The following ASXL3 variants were observed in gnomAD, a reference collection of about 807,000 sequenced individuals.
ASXL3 encodes putative Polycomb group protein ASXL3.
ASXL3 carries 34 observed loss-of-function variants against 170.6 expected under a neutral mutation model. The ratio of observed to expected loss-of-function variants is 0.20; its 90% CI spans 0.15 to 0.27. The LOEUF (loss-of-function observed/expected upper bound fraction) is 0.27. ASXL3 is among the 10% of genes least tolerant of loss of function. ASXL3 has a pLI of 1.00. For missense variants in ASXL3, 2,592 were observed against 2,695.3 expected, an observed-to-expected ratio of 0.96 and a Z score of 0.85; for synonymous variants, 1,002 against 989.1, an observed-to-expected ratio of 1.01 and a Z score of -0.24.
At chr18:33,677,553 C>T (rs944377295) in intron 7 of ASXL3, among the ~76,000 whole-genome samples, 1 of 152,160 alleles carries the variant, frequency 6.6e-6, no homozygotes, top group Non-Finnish European at 1.5e-5. Context: ...ACCTTTTTAA[C>T]TACTCATTTC....
At chr18:33,627,990 A>T (rs1003722595) in intron 2 of ASXL3, among the ~76,000 whole-genome samples, 1 of 152,188 alleles carries the variant, frequency 6.6e-6, no homozygotes, top group African/African-American at 2.4e-5. Context: ...ACACAGATGT[A>T]TGTGTCTGTA....
intron 8 of ASXL3, among the ~76,000 whole-genome samples, chr18:33,705,612 G>A (rs1030048233): frequency 4.0e-5 from 6 of 151,548 alleles, no homozygotes; most frequent in African/African-American, 9.7e-5. Flanking sequence ...TTCCCTGTCC[G>A]TTTCTGATAT....
Position 33,670,559 on chromosome 18 carries a change from T to C in ASXL3, c.478-114T>C, listed in dbSNP as rs565412355. 4 of 661,890 alleles carry C rather than the reference T, an allele frequency of 6.0e-6. No homozygotes were observed. In the South Asian group the frequency reaches 8.8e-5, roughly 15 times the overall value. The allele number at this position is 661,890 out of a possible 1,614,324, so 41.0% of individuals were successfully genotyped here. On this transcript the variant is annotated intron_variant, in intron 5 of 11. Coordinates refer to ENST00000269197, the MANE Select transcript of ASXL3 (RefSeq NM_030632.3). ...CTGAGAAATTAGGGGCTCTGTGGAA[T>C]TTAAGTCTCTTAAGAGGTTCTATGT...
intron 7 of ASXL3, among the ~76,000 whole-genome samples, chr18:33,675,040 G>C (rs2066403608): frequency 6.6e-6 from 1 of 152,138 alleles, no homozygotes; most frequent in South Asian, 2.1e-4. Context: ...TAACTCCTTG[G>C]AACAGTGGCC....
intron 1 of ASXL3, among the ~76,000 whole-genome samples, chr18:33,606,725 T>A (rs1237410325): frequency 6.6e-6 from 1 of 151,946 alleles, no homozygotes; most frequent in Non-Finnish European, 1.5e-5. Flanking sequence ...TTGGAGTAGG[T>A]CATTGTGGAG....
chr18:33,716,088 C>A (rs1205008423), intron 8 of ASXL3, among the ~76,000 whole-genome samples: 1 of 152,168 alleles, frequency 6.6e-6, no homozygotes, highest in Non-Finnish European at 1.5e-5. Flanking sequence ...TTATTCTGGC[C>A]TTTAATGGTA....
intron 2 of ASXL3, among the ~76,000 whole-genome samples, chr18:33,612,968 A>G (rs1421101433): frequency 6.6e-6 from 1 of 152,098 alleles, no homozygotes; most frequent in Non-Finnish European, 1.5e-5. Flanking sequence ...TTAACATCTA[A>G]TTCTCTCATT....
In ASXL3 at chr18:33,744,445, A is replaced by G. The variant is rs752365017; in HGVS notation, c.4597A>G (p.Ile1533Val). ...SRPEPVANEG[I>V]DHSSTFIAAS... ...GCCTGAGCCAGTTGCCAACGAAGGT[A>G]TAGATCACAGTTCCACTTTCATTGC... is the stretch of plus-strand genomic sequence containing the variant. Residue 1533 changes from isoleucine (I) to valine (V), a missense_variant, in exon 12 of 12, where the codon ATA (isoleucine) becomes GTA (valine). Around this residue, in one of 4 missense-constraint regions of ASXL3, gnomAD observed 2,246 missense variants for 2,219.6 expected, o/e 1.01. Coordinates refer to ENST00000269197, the MANE Select transcript of ASXL3 (RefSeq NM_030632.3). 9 of 1,613,764 alleles carry G rather than the reference A, an allele frequency of 5.6e-6. No individual in the cohort carries two copies. Among genetic ancestry groups the G allele is most frequent in the Admixed American group, 1.7e-5 (1 of 60,016 alleles).
At chr18:33,724,623 G>A (rs2067316983) in intron 8 of ASXL3, among the ~76,000 whole-genome samples, 1 of 151,740 alleles carries the variant, frequency 6.6e-6, no homozygotes, top group African/African-American at 2.4e-5. Flanking sequence ...TAAAAGTGTG[G>A]GAAATACTGT....
chr18:33,657,826 C>G (rs910764154), intron 4 of ASXL3, among the ~76,000 whole-genome samples: 1 of 152,032 alleles, frequency 6.6e-6, no homozygotes, highest in Non-Finnish European at 1.5e-5. Context: ...TTTGGCTTGC[C>G]TATTTTTGGC....
intron 8 of ASXL3, chr18:33,690,281 A>G (rs1599499010): frequency 2.0e-5 from 3 of 152,170 alleles, no homozygotes; most frequent in African/African-American, 4.8e-5. Context: ...CATGGTTCCC[A>G]TTAGTGGAGG....
At position 33,611,347 on chromosome 18, in the gene ASXL3, T is replaced by C. The variant is rs79261320; in HGVS notation, c.137+3671T>C. Among the ~76,000 whole-genome samples the C allele has an allele frequency of 4.8e-3, 727 of 152,212 alleles. 7 individuals carry two copies. Among genetic ancestry groups the C allele is most frequent in the African/African-American group, 0.017 (693 of 41,560 alleles). ...AATAATAGAATGATTTTTTAAGATC[T>C]GGTTTTCTTTCTTATGAAAATATTC... On this transcript the variant is annotated intron_variant, in intron 2 of 11. Coordinates refer to ENST00000269197, the MANE Select transcript of ASXL3 (RefSeq NM_030632.3).
chr18:33,607,221 G>T (rs946134110), intron 1 of ASXL3, among the ~76,000 whole-genome samples: 2 of 151,902 alleles, frequency 1.3e-5, no homozygotes, highest in African/African-American at 4.8e-5. Context: ...ATGTTTCCAA[G>T]GACCTGGAAT....
At chr18:33,728,888 A>G (rs117925524) in intron 8 of ASXL3, among the ~76,000 whole-genome samples, 81 of 152,212 alleles carry the variant, frequency 5.3e-4, no homozygotes, top group Non-Finnish European at 9.4e-4. Context: ...CAAAAATTTG[A>G]TACGTTTCCC....
chr18:33,595,961 T>C (rs1464930872), intron 1 of ASXL3, among the ~76,000 whole-genome samples: 1 of 152,184 alleles, frequency 6.6e-6, no homozygotes, highest in Non-Finnish European at 1.5e-5. Flanking sequence ...AGGGCATTCT[T>C]TGGAAGAAGG....
At chr18:33,621,959 A>C (rs571917080) in intron 2 of ASXL3, among the ~76,000 whole-genome samples, 2 of 152,300 alleles carry the variant, frequency 1.3e-5, no homozygotes, top group South Asian at 4.1e-4. Flanking sequence ...TATAAAAAAT[A>C]AAATGGATAG....
chr18:33,643,100 C>G (rs142312393), intron 2 of ASXL3, among the ~76,000 whole-genome samples: 1 of 151,774 alleles, frequency 6.6e-6, no homozygotes, highest in Non-Finnish European at 1.5e-5. Flanking sequence ...CAAGTCCCTA[C>G]GGAAAGTCTG....
intron 2 of ASXL3, among the ~76,000 whole-genome samples, chr18:33,644,508 C>A (rs527816225): frequency 2.7e-5 from 4 of 149,344 alleles, no homozygotes; most frequent in African/African-American, 9.8e-5. Context: ...TCAAGTGCAA[C>A]CATCAAGTTG....
intron 8 of ASXL3, among the ~76,000 whole-genome samples, chr18:33,705,890 T>A (rs144839744): frequency 7.0e-4 from 106 of 151,982 alleles, no homozygotes; most frequent in African/African-American, 2.3e-3. Flanking sequence ...TTTTGGAAAC[T>A]CCCGTTGCCG....
Sources: allele counts gnomAD v4.1 joint callset (sites outside exome capture counted in the v4.1 genomes callset), GRCh38; gene constraint gnomAD v4.1.1; regional missense constraint gnomAD v4.1.1; transcripts MANE v1.5; gene names NCBI Gene and HGNC (gene_info 2026-07-23, HGNC 2026-07-21).